The following CCDC62 variants were observed in gnomAD, a reference collection of about 807,000 sequenced individuals.
CCDC62 encodes the protein coiled-coil domain-containing protein 62.
A neutral mutation model predicts 80.8 loss-of-function variants in CCDC62; 72 were observed. That is an observed-to-expected ratio of 0.89 (90% CI 0.74 to 1.08). The LOEUF (loss-of-function observed/expected upper bound fraction) is 1.08. CCDC62 is among the 50% of genes least tolerant of loss of function. The pLI is 0.00. For missense variants in CCDC62, 704 were observed against 809.4 expected, an observed-to-expected ratio of 0.87 and a Z score of 1.58; for synonymous variants, 286 against 296.5, an observed-to-expected ratio of 0.96 and a Z score of 0.36.
chr12:122,800,427 ATTT>A (rs750581644), intron 8 of CCDC62, among the ~76,000 whole-genome samples: 2 of 138,962 alleles, frequency 1.4e-5, no homozygotes, highest in African/African-American at 2.6e-5. Flanking sequence ...TAAAAAAAAA[ATTT>A]TTTTTTTTTT....
Position 122,788,926 on chromosome 12 carries a change from AAAGGT to A in CCDC62, c.670+2_670+6del. 1.3e-6 allele frequency: 2 copies of A among 1,589,666 alleles called. No individual in the cohort carries two copies. Among genetic ancestry groups the A allele is most frequent in the Non-Finnish European group, 1.7e-6 (2 of 1,172,278 alleles). ...ACTTAAGATTGAAGTCAACAAACTA[AAAGGT>A]AAGGAAGAGACCTACATTTAAGATA... is the stretch of plus-strand genomic sequence containing the variant. On this transcript the variant is annotated splice_donor_variant and coding_sequence_variant, in exon 5 of 13. Transcript: ENST00000253079. LOFTEE classifies it high-confidence loss of function.
chr12:122,788,224 T>A (rs1303985480), intron 4 of CCDC62, among the ~76,000 whole-genome samples: 1 of 152,260 alleles, frequency 6.6e-6, no homozygotes, highest in Non-Finnish European at 1.5e-5. Flanking sequence ...ATACCTTTTT[T>A]GGTAACTAAA....
In CCDC62 at chr12:122,823,292, A is replaced by G; in HGVS notation, c.2002-74A>G. 3 of 1,071,340 alleles carry G rather than the reference A, an allele frequency of 2.8e-6. No individual in the cohort carries two copies. In the South Asian group the frequency reaches 3.8e-5, roughly 13 times the overall value. The allele number at this position is 1,071,340 out of a possible 1,614,324, so 66.4% of individuals were successfully genotyped here. On this transcript the variant is annotated intron_variant, in intron 11 of 12. Coordinates refer to ENST00000253079, the MANE Select transcript of CCDC62 (RefSeq NM_201435.5). ...AACATCTCTTAAAGGCATTTCTGCTATATTTGTGTTTAGTCTTCTTAAGAA... is the reference window on the plus strand; with the variant it reads ...AACATCTCTTAAAGGCATTTCTGCTGTATTTGTGTTTAGTCTTCTTAAGAA...
chr12:122,795,627 T>C (rs2030898099), intron 6 of CCDC62, among the ~76,000 whole-genome samples: 1 of 152,142 alleles, frequency 6.6e-6, no homozygotes, highest in South Asian at 2.1e-4. Context: ...GGTTTCACCG[T>C]GTTAGCCAGG....
rs375118548 is a variant in CCDC62 at position 122,801,664 on chromosome 12, C to T, written c.1518C>T (p.Gly506=). 5.5e-5 allele frequency: 88 copies of T among 1,614,022 alleles called. No homozygotes were observed. The highest frequency in any genetic ancestry group is 2.4e-4 in the South Asian group (22 of 91,078). Reference sequence around the variant, plus strand: ...GCCAGAAAAATGAAGCCTGTCTGGGCGAAAGTGGCATGTGTGACTCCAAGT... The same window carrying T: ...GCCAGAAAAATGAAGCCTGTCTGGGTGAAAGTGGCATGTGTGACTCCAAGT... The part of the protein sequence containing the change: ...SCCQKNEACL[G]ESGMCDSKCC... The change falls in exon 9 of 13, where the codon GGC becomes GGT. Residue 506 remains glycine, a synonymous_variant. Transcript: ENST00000253079.
At chr12:122,818,318 T>C (rs1288850589) in intron 11 of CCDC62, among the ~76,000 whole-genome samples, 1 of 151,970 alleles carries the variant, frequency 6.6e-6, no homozygotes, top group Non-Finnish European at 1.5e-5. Flanking sequence ...CTGGGCGTGG[T>C]GGCGGGCGCC....
At chr12:122,818,570 T>A (rs2032266913) in intron 11 of CCDC62, among the ~76,000 whole-genome samples, 1 of 151,804 alleles carries the variant, frequency 6.6e-6, no homozygotes, top group South Asian at 2.1e-4. Context: ...TACAGTGAGC[T>A]ATGATCACAC....
At chr12:122,801,920 G>A in intron 9 of CCDC62, 68 bp downstream of exon 9, 2 of 1,510,810 alleles carry the variant, frequency 1.3e-6, no homozygotes, top group Non-Finnish European at 8.9e-7. Context: ...TACAAAGGGT[G>A]ATGGAAGCCA....
rs372810811 is a variant in CCDC62, at chr12:122,823,728, C to T, written c.*40+269C>T. On this transcript the variant is annotated intron_variant, in intron 12 of 12. Transcript: ENST00000253079. ...TAAAAAAAAAAAAAAAAAGGCCGGG[C>T]GTGGTGGCTCACACGTGTAATCCCA... is the stretch of plus-strand genomic sequence containing the variant. Among the ~76,000 whole-genome samples the T allele has an allele frequency of 3.2e-4, 47 of 148,750 alleles. 1 individual carries two copies. The South Asian group carries it at 7.4e-3, about 23-fold the overall frequency.
intron 10 of CCDC62, among the ~76,000 whole-genome samples, chr12:122,812,777 G>GAGAGAGAGAGAGAGAGAGAAAGAAAGAA (rs750420995): frequency 1.7e-5 from 1 of 57,760 alleles, no homozygotes; most frequent in African/African-American, 7.8e-5. Flanking sequence ...GAGAGAGAGA[G>GAGAGAGAGAGAGAGAGAGAAAGAAAGAA]AGAAAGAAAG....
chr12:122,822,056 T>A (rs1284900428), intron 11 of CCDC62, among the ~76,000 whole-genome samples: 1 of 27,218 alleles, frequency 3.7e-5, no homozygotes, highest in East Asian at 2.3e-3. Flanking sequence ...TCTCTATAAA[T>A]TTAAACACAC....
chr12:122,797,302 A>C lies in CCDC62; in HGVS notation c.773-5A>C. The C allele has an allele frequency of 3.5e-6, 5 of 1,430,286 alleles. No homozygotes were observed. Among genetic ancestry groups the C allele is most frequent in the Non-Finnish European group, 4.9e-6 (5 of 1,013,478 alleles). 88.6% of individuals were successfully genotyped at this position (1,430,286 alleles called of 1,614,324 possible). The stretch of plus-strand genomic sequence containing the variant: ...AAAATGTTAATAATACTTGTTCTTA[A>C]ATAGTAGAGAGAGAAAAGAGGAAAG... On this transcript the variant is annotated splice_region_variant and splice_polypyrimidine_tract_variant and intron_variant, in intron 6 of 12. Coordinates refer to ENST00000253079, the MANE Select transcript of CCDC62 (RefSeq NM_201435.5).
intron 2 of CCDC62, among the ~76,000 whole-genome samples, chr12:122,778,353 C>CAAAAA (rs34065757): frequency 8.5e-6 from 1 of 118,180 alleles, no homozygotes; most frequent in Admixed American, 9.0e-5. Context: ...GACCCTGTCC[C>CAAAAA]AAAAAAAAAA....
intron 1 of CCDC62, 65 bp downstream of exon 1, chr12:122,774,771 G>C: frequency 8.6e-7 from 1 of 1,162,280 alleles, no homozygotes; most frequent in Non-Finnish European, 1.1e-6. Context: ...GAAATCTATT[G>C]CTTCTCAAGA....
At chr12:122,787,403 A>G (rs559499588) in intron 4 of CCDC62, among the ~76,000 whole-genome samples, 1 of 150,212 alleles carries the variant, frequency 6.7e-6, no homozygotes, top group Non-Finnish European at 1.5e-5. Flanking sequence ...GTGAGCTGAG[A>G]TTGCACCACT....
chr12:122,785,021 C>A (rs1444626999), intron 3 of CCDC62, among the ~76,000 whole-genome samples: 1 of 151,822 alleles, frequency 6.6e-6, no homozygotes, highest in Non-Finnish European at 1.5e-5. Flanking sequence ...TGCCTGTAAT[C>A]CCAGCTACTT....
chr12:122,819,880 C>G (rs1051054790), intron 11 of CCDC62, among the ~76,000 whole-genome samples: 4 of 151,250 alleles, frequency 2.6e-5, no homozygotes, highest in Admixed American at 2.6e-4. Context: ...CATAGCTAGG[C>G]CCTGTCTCTA....
At chr12:122,783,061 C>T (rs920067981) in intron 3 of CCDC62, among the ~76,000 whole-genome samples, 25 of 150,406 alleles carry the variant, frequency 1.7e-4, no homozygotes, top group Non-Finnish European at 3.5e-4. Flanking sequence ...GAGCCGAGAT[C>T]GCACCACTGC....
chr12:122,778,216 TG>T (rs1256727850), intron 2 of CCDC62, among the ~76,000 whole-genome samples: 2 of 151,902 alleles, frequency 1.3e-5, no homozygotes, highest in African/African-American at 2.4e-5. Context: ...TAACTGGGCA[TG>T]GTGATGCACA....
Sources: allele counts gnomAD v4.1 joint callset (sites outside exome capture counted in the v4.1 genomes callset), GRCh38; gene constraint gnomAD v4.1.1; transcripts MANE v1.5; gene names NCBI Gene and HGNC (gene_info 2026-07-23, HGNC 2026-07-21).